Variants in GRAMD1B observed in about 807,000 individuals in gnomAD.
GRAMD1B encodes the protein GRAM domain containing 1B.
Under a neutral mutation model 99.7 loss-of-function variants are expected in GRAMD1B, and 37 were observed. That is an observed-to-expected ratio of 0.37 (90% CI 0.29 to 0.49). The LOEUF is 0.49. Among genes scored for constraint, GRAMD1B ranks in the 20% least tolerant of loss-of-function variants. The pLI is 0.98. For missense variants in GRAMD1B, 888 were observed against 1,009.2 expected (o/e 0.88, Z 1.63); for synonymous variants, 427 against 387.6 (o/e 1.10, Z -1.19).
intron 4 of GRAMD1B, among the ~76,000 whole-genome samples, chr11:123,588,984 C>T (rs530308172): frequency 1.3e-5 from 2 of 151,986 alleles, no homozygotes; most frequent in East Asian, 3.9e-4. Flanking sequence ...ATACATATAG[C>T]CTGAGGATAA....
At chr11:123,440,548 A>G (rs1229078589) in intron 1 of GRAMD1B, among the ~76,000 whole-genome samples, 1 of 152,224 alleles carries the variant, frequency 6.6e-6, no homozygotes, top group Non-Finnish European at 1.5e-5. Flanking sequence ...CTAATAAAAT[A>G]GCTAGTTAAT....
intron 1 of GRAMD1B, chr11:123,460,418 G>A (rs993420896): frequency 2.6e-5 from 4 of 152,080 alleles, no homozygotes; most frequent in Admixed American, 6.6e-5. Flanking sequence ...GTGGGTTCCG[G>A]GACTGAACTT....
intron 1 of GRAMD1B, among the ~76,000 whole-genome samples, chr11:123,361,562 A>T (rs1946147180): frequency 6.6e-6 from 1 of 152,320 alleles, no homozygotes; most frequent in African/African-American, 2.4e-5. Flanking sequence ...GGACTGGTGC[A>T]TCAGGAAACA....
chr11:123,549,009 G>A (rs568506557), intron 2 of GRAMD1B, among the ~76,000 whole-genome samples: 41 of 152,336 alleles, frequency 2.7e-4, no homozygotes, highest in Middle Eastern at 6.8e-3. Flanking sequence ...TGGCAGTGTA[G>A]CTGTTCTTCT....
At chr11:123,545,570 C>T (rs377105540) in intron 2 of GRAMD1B, among the ~76,000 whole-genome samples, 30 of 152,294 alleles carry the variant, frequency 2.0e-4, no homozygotes, top group African/African-American at 5.8e-4. Flanking sequence ...ACTATCTGTA[C>T]GCTCTTGGGT....
chr11:123,605,468 C>T lies in GRAMD1B; in HGVS notation c.1313C>T (p.Ala438Val). 6.2e-7 allele frequency: 1 copy of T among 1,610,174 alleles called. No homozygotes were observed. Among genetic ancestry groups the T allele is most frequent in the Non-Finnish European group, 8.5e-7 (1 of 1,177,760 alleles). The stretch of plus-strand genomic sequence containing the variant: ...CTAACATCCACAGGGAGCAGTGAGG[C>T]CCCCGTCTCGGTATGGGCAGTCAGC... Reference protein sequence around the residue: ...STLTSTGSSEAPVSFDGLPLE... With the variant: ...STLTSTGSSEVPVSFDGLPLE... The change falls in exon 10 of 20, where the codon GCC (alanine) becomes GTC (valine). Residue 438 changes from alanine to valine, a missense_variant. By Grantham distance (64) the Ala-to-Val change is moderately conservative. Coordinates refer to ENST00000635736, the MANE Select transcript of GRAMD1B (RefSeq NM_001387025.1).
intron 11 of GRAMD1B, 140 bp downstream of exon 11, chr11:123,606,938 G>C: frequency 1.6e-6 from 1 of 633,496 alleles, no homozygotes; most frequent in South Asian, 2.0e-5. Flanking sequence ...AAAGGTACCT[G>C]TTATTAGTTT....
intron 1 of GRAMD1B, 78 bp from the exon 2 acceptor site, chr11:123,480,738 A>G (rs572565435): frequency 5.3e-5 from 21 of 398,312 alleles, no homozygotes; most frequent in Non-Finnish European, 9.3e-5. Flanking sequence ...GTCTTTGTCT[A>G]GTTGAAGTCT....
chr11:123,495,568 T>C (rs1194740161), intron 2 of GRAMD1B, among the ~76,000 whole-genome samples: 1 of 152,054 alleles, frequency 6.6e-6, no homozygotes, highest in Non-Finnish European at 1.5e-5. Context: ...TCCACTACCC[T>C]TCTCAGCCTC....
intron 2 of GRAMD1B, among the ~76,000 whole-genome samples, chr11:123,528,644 T>C (rs1943040174): frequency 6.6e-6 from 1 of 152,152 alleles, no homozygotes; most frequent in Non-Finnish European, 1.5e-5. Flanking sequence ...TTACTCCTCT[T>C]CTCTAGTATA....
intron 2 of GRAMD1B, among the ~76,000 whole-genome samples, chr11:123,495,680 T>TC (rs1000309345): frequency 1.4e-4 from 21 of 146,918 alleles, no homozygotes; most frequent in Middle Eastern, 3.5e-3. Context: ...TTCTTCTTCT[T>TC]TTTTTTTTTT....
At chr11:123,381,898 G>T (rs1164832358) in intron 1 of GRAMD1B, among the ~76,000 whole-genome samples, 1 of 152,206 alleles carries the variant, frequency 6.6e-6, no homozygotes, top group African/African-American at 2.4e-5. Context: ...TAGGACCGGA[G>T]GCTTGGGGTG....
At position 123,447,598 on chromosome 11, in the gene GRAMD1B, G is replaced by A. The variant is rs75394604; in HGVS notation, c.374+16432G>A. Reference sequence around the variant, plus strand: ...AGGCTCTGGTTCTGCTAATTTTCTCGCTGTGTGGTCCTGGGCAGATTACTC... The same window carrying A: ...AGGCTCTGGTTCTGCTAATTTTCTCACTGTGTGGTCCTGGGCAGATTACTC... On this transcript the variant is annotated intron_variant, in intron 1 of 19. Transcript: ENST00000635736. 5.3e-3 allele frequency among the ~76,000 whole-genome samples: 810 copies of A among 152,244 alleles called. 10 individuals are homozygous for A. Among genetic ancestry groups the A allele is most frequent in the African/African-American group, 0.019 (790 of 41,518 alleles).
At chr11:123,369,534 C>T (rs1946448385) in intron 1 of GRAMD1B, among the ~76,000 whole-genome samples, 2 of 151,978 alleles carry the variant, frequency 1.3e-5, no homozygotes, top group African/African-American at 4.8e-5. Flanking sequence ...AGCACTGGGG[C>T]TAGGTATTTT....
At chr11:123,480,953 T>C (rs2134833622) in intron 2 of GRAMD1B, 60 bp downstream of exon 2, 1 of 398,396 alleles carries the variant, frequency 2.5e-6, no homozygotes, top group East Asian at 3.6e-5. Flanking sequence ...GGGTGGAATG[T>C]TTGAGGAAGA....
At chr11:123,369,609 T>A (rs997799236) in intron 1 of GRAMD1B, among the ~76,000 whole-genome samples, 3 of 152,180 alleles carry the variant, frequency 2.0e-5, no homozygotes, top group Non-Finnish European at 2.9e-5. Context: ...CGGTGGCTCA[T>A]GCCTGCCATC....
intron 2 of GRAMD1B, among the ~76,000 whole-genome samples, chr11:123,551,154 AG>A (rs75475493): frequency 0.093 from 14,189 of 152,256 alleles, 811 homozygotes; most frequent in East Asian, 0.27. Flanking sequence ...ATTGCCCTGC[AG>A]GGTTATCCCA....
In GRAMD1B at chr11:123,574,987, T is replaced by C. The variant is rs1021439850; in HGVS notation, c.453-2380T>C. ...GAACAGCACAGATGATCAACAGCCT[T>C]AAGAGCACAGAGAGATGGTATAAGT... On this transcript the variant is annotated intron_variant, in intron 2 of 19. Transcript: ENST00000635736. 2.0e-5 allele frequency among the ~76,000 whole-genome samples: 3 copies of C among 152,164 alleles called. No individual in the cohort carries two copies. The East Asian group carries it at 5.8e-4, about 29-fold the overall frequency.
At chr11:123,620,472 CAAAAAAAAA>C (rs55787871) in intron 19 of GRAMD1B, among the ~76,000 whole-genome samples, 5 of 69,232 alleles carry the variant, frequency 7.2e-5, no homozygotes, top group African/African-American at 1.3e-4. Context: ...GACTTCATCT[CAAAAAAAAA>C]AAAAAAAAAA....
Sources: gnomAD v4.1 joint callset for allele counts (sites outside exome capture counted in the v4.1 genomes callset) on GRCh38, gnomAD v4.1.1 for gene constraint, MANE v1.5 for transcripts, NCBI Gene and HGNC (gene_info 2026-07-23, HGNC 2026-07-21) for gene names.